Variants in LMBR1 observed in about 807,000 individuals in gnomAD.
LMBR1 encodes the protein limb region 1 protein homolog.
Under a neutral mutation model 73.9 loss-of-function variants are expected in LMBR1, and 52 were observed. That is an observed-to-expected ratio of 0.70 (90% confidence interval 0.56 to 0.89). LMBR1 has a LOEUF of 0.89. Ranked by LOEUF, LMBR1 falls within the 40% of genes least tolerant of loss-of-function variation. The pLI, the probability that LMBR1 is intolerant of heterozygous loss-of-function variation, is 0.00. For synonymous variants in LMBR1, 215 were observed against 209.4 expected (o/e 1.03, Z -0.23); for missense variants, 539 against 579.8 (o/e 0.93, Z 0.72).
intron 15 of LMBR1, among the ~76,000 whole-genome samples, chr7:156,714,332 ATGGC>A (rs1812736832): frequency 6.6e-6 from 1 of 152,240 alleles, no homozygotes; most frequent in South Asian, 2.1e-4. Flanking sequence ...TGTGGAGTTC[ATGGC>A]TGAGCTGAGT....
intron 15 of LMBR1, among the ~76,000 whole-genome samples, chr7:156,717,345 T>C (rs1179826395): frequency 6.6e-6 from 1 of 151,870 alleles, no homozygotes; most frequent in Non-Finnish European, 1.5e-5. Context: ...CAGTGTGAGG[T>C]GGCAGGAGGA....
At chr7:156,698,048 A>C (rs1317561000) in intron 15 of LMBR1, among the ~76,000 whole-genome samples, 1 of 152,202 alleles carries the variant, frequency 6.6e-6, no homozygotes, top group Non-Finnish European at 1.5e-5. Flanking sequence ...CAGCCATTCC[A>C]AACAGGAGAA....
chr7:156,771,667 C>T (rs1825212377), intron 5 of LMBR1, among the ~76,000 whole-genome samples: 1 of 152,122 alleles, frequency 6.6e-6, no homozygotes, highest in Non-Finnish European at 1.5e-5. Context: ...TAAAGAACAG[C>T]TGGTACCATT....
chr7:156,817,792 C>T (rs934265628), intron 4 of LMBR1, among the ~76,000 whole-genome samples: 2 of 152,232 alleles, frequency 1.3e-5, no homozygotes, highest in African/African-American at 4.8e-5. Flanking sequence ...TTTGATGCAG[C>T]TACCTACACA....
At chr7:156,881,709 C>CATGT (rs1481045057) in intron 1 of LMBR1, among the ~76,000 whole-genome samples, 1 of 151,392 alleles carries the variant, frequency 6.6e-6, no homozygotes, top group Non-Finnish European at 1.5e-5. Flanking sequence ...AAACAGCCAA[C>CATGT]ATGTATATGA....
intron 16 of LMBR1, among the ~76,000 whole-genome samples, chr7:156,684,663 T>C (rs35340965): frequency 6.6e-6 from 1 of 152,144 alleles, no homozygotes; most frequent in Non-Finnish European, 1.5e-5. Context: ...CATTTTAAAA[T>C]GCACACACAC....
At chr7:156,830,786 C>T (rs1270102388) in intron 3 of LMBR1, among the ~76,000 whole-genome samples, 1 of 152,158 alleles carries the variant, frequency 6.6e-6, no homozygotes, top group Non-Finnish European at 1.5e-5. Context: ...AAGCCCATCT[C>T]GGAGATTCTA....
At chr7:156,865,861 A>G (rs763754888) in intron 1 of LMBR1, among the ~76,000 whole-genome samples, 1 of 152,200 alleles carries the variant, frequency 6.6e-6, no homozygotes, top group Non-Finnish European at 1.5e-5. Flanking sequence ...AACAAATGGT[A>G]CTGGAACAAC....
chr7:156,784,963 T>C (rs1159919313), intron 5 of LMBR1, among the ~76,000 whole-genome samples: 2 of 152,218 alleles, frequency 1.3e-5, no homozygotes, highest in Non-Finnish European at 2.9e-5. Flanking sequence ...TTTTGCCCAG[T>C]TCCAAGTCTT....
chr7:156,875,155 T>C (rs1799967236), intron 1 of LMBR1, among the ~76,000 whole-genome samples: 1 of 152,082 alleles, frequency 6.6e-6, no homozygotes, highest in Admixed American at 6.5e-5. Flanking sequence ...ATGCAAAATT[T>C]TCTGGAAAGT....
intron 15 of LMBR1, among the ~76,000 whole-genome samples, chr7:156,708,824 G>A (rs993054621): frequency 8.5e-5 from 13 of 152,194 alleles, no homozygotes; most frequent in African/African-American, 2.4e-4. Flanking sequence ...CAAGGTCTGC[G>A]GCAGGGACTG....
At chr7:156,703,643 T>G (rs372789215) in intron 15 of LMBR1, among the ~76,000 whole-genome samples, 1 of 152,158 alleles carries the variant, frequency 6.6e-6, no homozygotes, top group African/African-American at 2.4e-5. Flanking sequence ...CCTGGCATAG[T>G]GGTGGCCACC....
chr7:156,833,295 A>G (rs1837006190), intron 3 of LMBR1, among the ~76,000 whole-genome samples: 2 of 152,234 alleles, frequency 1.3e-5, no homozygotes, highest in Admixed American at 1.3e-4. Flanking sequence ...TCAGTTTGAT[A>G]CTTCAATAAA....
At position 156,792,480 on chromosome 7, in the gene LMBR1, T is replaced by TA. The variant is rs887152265; in HGVS notation, c.423+3908dup. Among the ~76,000 whole-genome samples, 9 of 151,480 alleles carry TA rather than the reference T, an allele frequency of 5.9e-5. No homozygotes were observed. The highest frequency in any genetic ancestry group is 2.1e-4 in the South Asian group (1 of 4,808). On this transcript the variant is annotated intron_variant, in intron 5 of 16. Coordinates refer to ENST00000353442, the MANE Select transcript of LMBR1 (RefSeq NM_022458.4). ...TCCAAGATAAAAGTTAGCTGCTTAC[T>TA]AAAAAAAAACTTTTACTTTATCAAA...
Position 156,724,152 on chromosome 7 carries a change from C to T in LMBR1, c.1185G>A (p.Leu395=), listed in dbSNP as rs777912895. 6.2e-7 allele frequency: 1 copy of T among 1,610,146 alleles called. No homozygotes were observed. Among genetic ancestry groups the T allele is most frequent in the East Asian group, 2.2e-5 (1 of 44,632 alleles). ...TKIIGNCVSI[L]VLSSALPVMS... is the part of the protein sequence containing the mutation. ...TCACAGGCAGAGCAGAGCTCAAAAC[C>T]AAGATGGACACACAATTTCCAATGA... is the stretch of plus-strand genomic sequence containing the variant. Residue 395 remains leucine (L), a synonymous_variant, in exon 15 of 17, where the codon TTG becomes TTA. Coordinates refer to ENST00000353442, the MANE Select transcript of LMBR1 (RefSeq NM_022458.4).
chr7:156,712,723 G>A (rs1221923728), intron 15 of LMBR1, among the ~76,000 whole-genome samples: 1 of 152,080 alleles, frequency 6.6e-6, no homozygotes, highest in Non-Finnish European at 1.5e-5. Context: ...CAACATGGGT[G>A]GAATCATCAT....
intron 5 of LMBR1, among the ~76,000 whole-genome samples, chr7:156,777,633 G>A (rs538265387): frequency 3.2e-4 from 48 of 152,278 alleles, no homozygotes; most frequent in African/African-American, 1.0e-3. Flanking sequence ...AAGTGATCTT[G>A]CCTCTTCCAA....
chr7:156,720,858 T>G (rs1413528193), intron 15 of LMBR1, among the ~76,000 whole-genome samples: 1 of 152,056 alleles, frequency 6.6e-6, no homozygotes, highest in Non-Finnish European at 1.5e-5. Context: ...TTGCTAAGCC[T>G]CTGTGAAAGC....
chr7:156,760,678 T>C (rs556871919), intron 8 of LMBR1, among the ~76,000 whole-genome samples: 29 of 152,266 alleles, frequency 1.9e-4, no homozygotes, highest in Non-Finnish European at 4.0e-4. Context: ...TACACAAGTG[T>C]GTATACAACA....
Sources: allele counts gnomAD v4.1 joint callset (sites outside exome capture counted in the v4.1 genomes callset), GRCh38; gene constraint gnomAD v4.1.1; transcripts MANE v1.5; gene names NCBI Gene and HGNC (gene_info 2026-07-23, HGNC 2026-07-21).